Variants in RANBP9 observed in about 807,000 individuals in gnomAD.
RANBP9 encodes the protein RAN binding protein 9, also known as ran-binding protein 9.
In RANBP9, 15 loss-of-function variants were observed where a neutral mutation model predicts 84.3. The ratio of observed to expected loss-of-function variants is 0.18; its 90% CI spans 0.12 to 0.27. RANBP9 has a LOEUF of 0.27. RANBP9 is among the 10% of genes least tolerant of loss of function. The pLI, the probability that RANBP9 is intolerant of heterozygous loss-of-function variation, is 1.00. For missense variants in RANBP9, 809 were observed against 912.8 expected (o/e 0.89, Z 1.46); for synonymous variants, 392 against 349.6 (o/e 1.12, Z -1.35).
intron 1 of RANBP9, among the ~76,000 whole-genome samples, chr6:13,702,154 A>G (rs578051771): frequency 1.3e-5 from 2 of 152,300 alleles, no homozygotes; most frequent in African/African-American, 2.4e-5. Flanking sequence ...CTTAAAAGTA[A>G]TAACAAGGCT....
intron 2 of RANBP9, among the ~76,000 whole-genome samples, chr6:13,664,751 C>A: frequency 6.6e-6 from 1 of 151,968 alleles, no homozygotes; most frequent in African/African-American, 2.4e-5. Context: ...ACCTATTATG[C>A]AGCTATAAAA....
intron 4 of RANBP9, 136 bp downstream of exon 4, chr6:13,656,973 T>C (rs1765413529): frequency 1.3e-6 from 1 of 797,672 alleles, no homozygotes; most frequent in Non-Finnish European, 1.9e-6. Flanking sequence ...TCAGCTTCTG[T>C]CTGGGAAAAA....
chr6:13,696,763 T>C (rs1483306440), intron 2 of RANBP9, 22 bp downstream of exon 2: 13 of 1,567,172 alleles, frequency 8.3e-6, no homozygotes, highest in South Asian at 1.1e-5. Context: ...GCAAACGATT[T>C]TTCTCACCAA....
chr6:13,652,297 C>G (rs1408639532), intron 5 of RANBP9, among the ~76,000 whole-genome samples: 1 of 152,212 alleles, frequency 6.6e-6, no homozygotes, highest in Non-Finnish European at 1.5e-5. Context: ...AGCACTTTAC[C>G]TGCCACATAG....
intron 12 of RANBP9, among the ~76,000 whole-genome samples, chr6:13,630,722 T>C (rs1764756805): frequency 6.6e-6 from 1 of 152,174 alleles, no homozygotes; most frequent in Non-Finnish European, 1.5e-5. Flanking sequence ...GCACAAGACA[T>C]GTGATACCAC....
At chr6:13,654,581 G>A (rs1456202105) in intron 4 of RANBP9, among the ~76,000 whole-genome samples, 1 of 152,200 alleles carries the variant, frequency 6.6e-6, no homozygotes, top group Non-Finnish European at 1.5e-5. Context: ...TATCTTGGAA[G>A]ATGCCAGAAC....
intron 1 of RANBP9, among the ~76,000 whole-genome samples, chr6:13,704,247 A>G (rs1472207389): frequency 6.6e-6 from 1 of 152,208 alleles, no homozygotes; most frequent in Non-Finnish European, 1.5e-5. Context: ...AAATGAAGAT[A>G]TGAGCCAGTC....
intron 2 of RANBP9, among the ~76,000 whole-genome samples, chr6:13,695,445 A>T (rs1766423749): frequency 6.7e-6 from 1 of 150,372 alleles, no homozygotes; most frequent in Non-Finnish European, 1.5e-5. Flanking sequence ...ATTTTAAACA[A>T]GCTAAATTTA....
At chr6:13,710,122 G>A (rs1023424541) in intron 1 of RANBP9, among the ~76,000 whole-genome samples, 4 of 152,122 alleles carry the variant, frequency 2.6e-5, no homozygotes, top group Admixed American at 6.5e-5. Flanking sequence ...ACCTAGGAGA[G>A]GTAGGTGAGG....
At chr6:13,636,923 G>C (rs1473001211) in intron 10 of RANBP9, among the ~76,000 whole-genome samples, 3 of 152,042 alleles carry the variant, frequency 2.0e-5, no homozygotes, top group Non-Finnish European at 4.4e-5. Flanking sequence ...CATGCTAAAA[G>C]TTAGGCTCTC....
chr6:13,709,429 T>C (rs1018213144), intron 1 of RANBP9, among the ~76,000 whole-genome samples: 3 of 152,224 alleles, frequency 2.0e-5, no homozygotes, highest in Non-Finnish European at 4.4e-5. Flanking sequence ...CAACCATAAA[T>C]TTAAAATTAT....
At chr6:13,689,872 T>C (rs778059650) in intron 2 of RANBP9, among the ~76,000 whole-genome samples, 5 of 152,180 alleles carry the variant, frequency 3.3e-5, no homozygotes, top group Non-Finnish European at 7.3e-5. Context: ...AAGAGTTGCA[T>C]ATTTCTGCTT....
intron 1 of RANBP9, among the ~76,000 whole-genome samples, chr6:13,699,175 A>G (rs1308727016): frequency 6.6e-6 from 1 of 152,218 alleles, no homozygotes; most frequent in Non-Finnish European, 1.5e-5. Flanking sequence ...GTAGAAACAT[A>G]TATTAGATCC....
rs1481417881 is a variant in RANBP9 at position 13,625,640 on chromosome 6, TG to T, written c.2059+12del. 3.9e-6 allele frequency: 6 copies of T among 1,554,074 alleles called. No individual in the cohort carries two copies. The highest frequency in any genetic ancestry group is 5.3e-6 in the Non-Finnish European group (6 of 1,126,502). On this transcript the variant is annotated intron_variant, in intron 13 of 13. Coordinates refer to ENST00000011619, the MANE Select transcript of RANBP9 (RefSeq NM_005493.3). ...AATCTAACTGAAATTGTGCCTTATT[TG>T]GCTTTACTTACCTAATATTGCACTG... is the stretch of plus-strand genomic sequence containing the variant.
intron 2 of RANBP9, among the ~76,000 whole-genome samples, chr6:13,694,073 G>C (rs1397848858): frequency 6.6e-6 from 1 of 152,040 alleles, no homozygotes; most frequent in East Asian, 1.9e-4. Flanking sequence ...CAAACAAAAA[G>C]AACAAAATGC....
At chr6:13,682,712 A>C (rs1338856534) in intron 2 of RANBP9, among the ~76,000 whole-genome samples, 1 of 152,204 alleles carries the variant, frequency 6.6e-6, no homozygotes, top group African/African-American at 2.4e-5. Flanking sequence ...TCTGCCTCCC[A>C]AATTACTGAT....
chr6:13,669,766 CATTTTTTGT>C (rs1417733196), intron 2 of RANBP9, among the ~76,000 whole-genome samples: 1 of 152,026 alleles, frequency 6.6e-6, no homozygotes, highest in Non-Finnish European at 1.5e-5. Flanking sequence ...CTTTTTTTCG[CATTTTTTGT>C]ACAGACAGGG....
At position 13,711,722 on chromosome 6, in the gene RANBP9, C is replaced by T. The variant is rs571225520; in HGVS notation, c.-217G>A. Reference sequence around the variant, plus strand: ...CCGGGAGGCCGGGAGAGAACGTTGGCCGGAGCGCGGGCGCGCGGCCCGGGG... The same window carrying T: ...CCGGGAGGCCGGGAGAGAACGTTGGTCGGAGCGCGGGCGCGCGGCCCGGGG... On this transcript the variant is annotated 5_prime_UTR_variant, in exon 1 of 14. Transcript: ENST00000011619. 6.7e-5 allele frequency among the ~76,000 whole-genome samples: 10 copies of T among 148,170 alleles called. No individual in the cohort carries two copies. In the South Asian group the frequency reaches 1.9e-3, roughly 28 times the overall value.
rs747486243 is a variant in RANBP9 at position 13,711,474 on chromosome 6, T to TGCGGCGGCG, written c.23_31dup (p.Pro8_Pro10dup). The TGCGGCGGCG allele has an allele frequency of 4.9e-6, 6 of 1,233,986 alleles. No homozygotes were observed. The highest frequency in any genetic ancestry group is 3.5e-5 in the Admixed American group (1 of 28,504). The allele number at this position is 1,233,986 out of a possible 1,614,324, so 76.4% of individuals were successfully genotyped here. ...CAGCTGCTGCTGCTGTTGCTGCTGC[T>TGCGGCGGCG]GCGGCGGCGGCGGCGGCGGCTGCCC... On this transcript the variant is annotated inframe_insertion, in exon 1 of 14. Transcript: ENST00000011619.
Sources: allele counts gnomAD v4.1 joint callset (sites outside exome capture counted in the v4.1 genomes callset), GRCh38; gene constraint gnomAD v4.1.1; transcripts MANE v1.5; gene names NCBI Gene and HGNC (gene_info 2026-07-23, HGNC 2026-07-21).